The following ATP2B2 variants were observed in gnomAD, a reference collection of about 807,000 sequenced individuals.
ATP2B2 encodes the protein plasma membrane calcium-transporting ATPase 2.
In ATP2B2, 15 loss-of-function variants were observed where a neutral mutation model predicts 120.0. The observed-to-expected ratio is 0.12, with a 90% confidence interval of 0.08 to 0.19. The LOEUF (loss-of-function observed/expected upper bound fraction) is 0.19, where lower values mean the gene tolerates loss of function less well. ATP2B2 is among the 10% of genes least tolerant of loss of function. The pLI is 1.00. For synonymous variants in ATP2B2, 694 were observed against 700.3 expected, an observed-to-expected ratio of 0.99 and a Z score of 0.14; for missense variants, 1,045 against 1,719.8, an observed-to-expected ratio of 0.61 and a Z score of 6.94.
chr3:10,655,962 T>C (rs2070614837), intron 1 of ATP2B2, among the ~76,000 whole-genome samples: 1 of 152,230 alleles, frequency 6.6e-6, no homozygotes, highest in Admixed American at 6.5e-5. Flanking sequence ...GGACAAAACG[T>C]TTCTTCTCTT....
intron 14 of ATP2B2, among the ~76,000 whole-genome samples, chr3:10,355,251 A>C (rs2060682727): frequency 6.6e-6 from 1 of 152,124 alleles, no homozygotes; most frequent in Non-Finnish European, 1.5e-5. Context: ...TGATTCTCTC[A>C]GTTTTCAAGT....
At chr3:10,662,346 AC>A (rs1490781140) in intron 1 of ATP2B2, among the ~76,000 whole-genome samples, 2 of 151,176 alleles carry the variant, frequency 1.3e-5, no homozygotes, top group African/African-American at 4.9e-5. Flanking sequence ...TACTCATCTG[AC>A]AAAGGGCTAA....
intron 1 of ATP2B2, among the ~76,000 whole-genome samples, chr3:10,637,471 T>C (rs1166559990): frequency 2.6e-5 from 4 of 152,088 alleles, no homozygotes; most frequent in Non-Finnish European, 5.9e-5. Flanking sequence ...AAACCAACCT[T>C]CTAGAGATGA....
At chr3:10,611,053 G>A (rs990564050) in intron 2 of ATP2B2, among the ~76,000 whole-genome samples, 1 of 152,192 alleles carries the variant, frequency 6.6e-6, no homozygotes, top group Non-Finnish European at 1.5e-5. Context: ...AGAACCTGAG[G>A]GCTCGCAGGG....
chr3:10,618,402 C>T (rs1381137885), intron 2 of ATP2B2, among the ~76,000 whole-genome samples: 1 of 152,186 alleles, frequency 6.6e-6, no homozygotes, highest in African/African-American at 2.4e-5. Context: ...GAGCCCCAGG[C>T]ATGAACAAGG....
chr3:10,475,738 A>G (rs1173769156), intron 1 of ATP2B2, among the ~76,000 whole-genome samples: 1 of 152,230 alleles, frequency 6.6e-6, no homozygotes, highest in African/African-American at 2.4e-5. Flanking sequence ...GCCAGGGTGG[A>G]CAGAGCTGAT....
At position 10,606,908 on chromosome 3, in the gene ATP2B2, CACACAGAGAGAGAG is replaced by C. The variant is rs1487412262; in HGVS notation, c.-415+12995_-415+13008del. On this transcript the variant is annotated intron_variant, in intron 2 of 21. Transcript: ENST00000646379. ...ACACACACACACACACACACACACA[CACACAGAGAGAGAG>C]AGAGAGAGAGAGAGAGGGAGAGGGA... 1.8e-3 allele frequency among the ~76,000 whole-genome samples: 52 copies of C among 28,190 alleles called. No homozygotes were observed. In the East Asian group the frequency reaches 0.021, roughly 12 times the overall value. 18.5% of individuals were successfully genotyped at this position (28,190 alleles called of 152,430 possible).
intron 2 of ATP2B2, among the ~76,000 whole-genome samples, chr3:10,612,326 A>C (rs2069262357): frequency 6.6e-6 from 1 of 152,132 alleles, no homozygotes; most frequent in African/African-American, 2.4e-5. Flanking sequence ...GCTCAAGATT[A>C]CTGTGGCCCT....
chr3:10,442,321 A>G (rs1343585026), intron 2 of ATP2B2, among the ~76,000 whole-genome samples: 2 of 151,514 alleles, frequency 1.3e-5, no homozygotes, highest in African/African-American at 4.9e-5. Context: ...GGACATGAAG[A>G]CTCCCTAGTC....
rs2059862203 is a variant in ATP2B2 at position 10,326,620 on chromosome 3, T to G, written c.*2194A>C. 2 of 398,412 alleles carry G rather than the reference T, an allele frequency of 5.0e-6. No homozygotes were observed. Among genetic ancestry groups the G allele is most frequent in the Non-Finnish European group, 4.4e-6 (1 of 226,052 alleles). The allele number at this position is 398,412 out of a possible 1,614,324, so 24.7% of individuals were successfully genotyped here. A position where few individuals can be genotyped will look rare whatever the true frequency, so the allele number is the denominator to read the frequency against. ...TAGGAGAGCAGTGGGCTGGCTTTGGTGGCGTTTGTACTGGAATCCAATAAG... is the reference window on the plus strand; with the variant it reads ...TAGGAGAGCAGTGGGCTGGCTTTGGGGGCGTTTGTACTGGAATCCAATAAG... On this transcript the variant is annotated 3_prime_UTR_variant, in exon 23 of 23. Transcript: ENST00000360273.
rs966739521 is a variant in ATP2B2 at position 10,328,483 on chromosome 3, C to T, written c.*331G>A. The T allele has an allele frequency of 8.6e-6, 3 of 348,006 alleles. No individual in the cohort carries two copies. The highest frequency in any genetic ancestry group is 4.4e-5 in the Admixed American group (1 of 22,514). 21.6% of individuals were successfully genotyped at this position (348,006 alleles called of 1,614,324 possible). On this transcript the variant is annotated 3_prime_UTR_variant, in exon 23 of 23. Coordinates refer to ENST00000360273, the MANE Select transcript of ATP2B2 (RefSeq NM_001001331.4). ...AGGGGAGGATTGAAAGTGTACAGTACATTCATGCGGGGGACGTGGTGGCTG... is the reference window on the plus strand; with the variant it reads ...AGGGGAGGATTGAAAGTGTACAGTATATTCATGCGGGGGACGTGGTGGCTG...
exon 2 of ATP2B2, chr3:10,619,917 C>T (rs1377915727): frequency 4.6e-5 from 7 of 152,140 alleles, no homozygotes; most frequent in South Asian, 2.1e-4. Flanking sequence ...TCACACTCAC[C>T]GTCTGCTTGG....
intron 1 of ATP2B2, among the ~76,000 whole-genome samples, chr3:10,689,789 T>C (rs577536961): frequency 2.6e-5 from 4 of 152,156 alleles, no homozygotes; most frequent in African/African-American, 9.6e-5. Flanking sequence ...TGGATGTGAG[T>C]CTCCGACCTG....
At chr3:10,424,795 C>A (rs2063095590) in intron 2 of ATP2B2, among the ~76,000 whole-genome samples, 1 of 152,130 alleles carries the variant, frequency 6.6e-6, no homozygotes, top group Admixed American at 6.6e-5. Flanking sequence ...AGTTGCAGAA[C>A]AATGTGTATA....
Position 10,338,430 on chromosome 3 carries a change from C to G in ATP2B2, c.3238-72G>C. On this transcript the variant is annotated intron_variant, in intron 21 of 22. Transcript: ENST00000360273. ...TGGCCTTCTCTCCCTGACACCCGCT[C>G]CTCTACCTCCCTCCTCCTACCCGCT... 2.6e-6 allele frequency: 4 copies of G among 1,526,154 alleles called. No homozygotes were observed. The East Asian group carries it at 9.0e-5, about 34-fold the overall frequency. The allele number at this position is 1,526,154 out of a possible 1,614,324, so 94.5% of individuals were successfully genotyped here.
intron 1 of ATP2B2, among the ~76,000 whole-genome samples, chr3:10,637,572 G>C (rs762820575): frequency 6.6e-6 from 1 of 152,162 alleles, no homozygotes; most frequent in Non-Finnish European, 1.5e-5. Flanking sequence ...CTTGAAGATA[G>C]CAATAGAAAC....
intron 2 of ATP2B2, among the ~76,000 whole-genome samples, chr3:10,446,780 T>C (rs953052424): frequency 3.3e-5 from 5 of 152,208 alleles, no homozygotes; most frequent in Non-Finnish European, 5.9e-5. Context: ...TTCTCATGAA[T>C]GACCAGGAGA....
At chr3:10,355,141 C>A (rs1380827660) in intron 14 of ATP2B2, among the ~76,000 whole-genome samples, 1 of 152,204 alleles carries the variant, frequency 6.6e-6, no homozygotes, top group Non-Finnish European at 1.5e-5. Context: ...TCCATCCCGC[C>A]CCACTCGGAG....
In ATP2B2 at chr3:10,420,847, A is replaced by C. The variant is rs534791722; in HGVS notation, c.200-10032T>G. 1.2e-4 allele frequency among the ~76,000 whole-genome samples: 18 copies of C among 152,372 alleles called. No homozygotes were observed. In the East Asian group the frequency reaches 3.3e-3, roughly 28 times the overall value. ...CCTAACTTGGTTGTACACTGGAGGC[A>C]CCAGGGAGCTTTAAAAAATATGAAT... On this transcript the variant is annotated intron_variant, in intron 2 of 22. Coordinates refer to ENST00000360273, the MANE Select transcript of ATP2B2 (RefSeq NM_001001331.4).
Sources: gnomAD v4.1 joint callset for allele counts (sites outside exome capture counted in the v4.1 genomes callset) on GRCh38, gnomAD v4.1.1 for gene constraint, MANE v1.5 for transcripts, NCBI Gene and HGNC (gene_info 2026-07-23, HGNC 2026-07-21) for gene names.